SCN3A: variants seen among roughly 807,000 people sequenced by gnomAD.
The protein encoded by SCN3A is sodium voltage-gated channel alpha subunit 3, also known as sodium channel protein type 3 subunit alpha.
A neutral mutation model predicts 187.6 loss-of-function variants in SCN3A; 60 were observed. The ratio of observed to expected loss-of-function variants is 0.32; its 90% CI spans 0.26 to 0.40. The LOEUF is 0.40. SCN3A is among the 10% of genes least tolerant of loss of function. SCN3A has a pLI of 1.00. For missense variants in SCN3A, 1,601 were observed against 2,428.2 expected (o/e 0.66, Z 7.16); for synonymous variants, 788 against 829.2 (o/e 0.95, Z 0.85).
chr2:165,119,721 G>A (rs1686556842), intron 18 of SCN3A: 2 of 152,076 alleles, frequency 1.3e-5, no homozygotes, highest in South Asian at 4.1e-4. Flanking sequence ...TTAAAAGCAA[G>A]TGACCAATAA....
At chr2:165,120,215 G>A (rs1031230195) in intron 18 of SCN3A, among the ~76,000 whole-genome samples, 6 of 151,968 alleles carry the variant, frequency 3.9e-5, no homozygotes, top group Admixed American at 3.9e-4. Context: ...TGTCCTCAAA[G>A]ACATGGTACC....
At chr2:165,094,702 T>G (rs1433057802) in intron 25 of SCN3A, among the ~76,000 whole-genome samples, 1 of 152,174 alleles carries the variant, frequency 6.6e-6, no homozygotes, top group Non-Finnish European at 1.5e-5. Flanking sequence ...CTAATTTGAT[T>G]ATACTATGTT....
At chr2:165,166,661 A>T (rs1441731699) in intron 5 of SCN3A, among the ~76,000 whole-genome samples, 1 of 152,138 alleles carries the variant, frequency 6.6e-6, no homozygotes, top group Non-Finnish European at 1.5e-5. Context: ...TCTCAGAACT[A>T]AGTTATCTTC....
At chr2:165,193,638 A>G (rs759611887) in intron 1 of SCN3A, among the ~76,000 whole-genome samples, 12 of 152,052 alleles carry the variant, frequency 7.9e-5, no homozygotes, top group Non-Finnish European at 1.6e-4. Flanking sequence ...TGTAATCAAA[A>G]TGACAGCCCA....
chr2:165,108,759 G>C (rs1041395532), intron 21 of SCN3A, among the ~76,000 whole-genome samples: 1 of 152,108 alleles, frequency 6.6e-6, no homozygotes, highest in African/African-American at 2.4e-5. Context: ...TGTAGTTATA[G>C]GATGGTATAG....
At chr2:165,177,199 A>G (rs751378492) in intron 2 of SCN3A, among the ~76,000 whole-genome samples, 1 of 152,172 alleles carries the variant, frequency 6.6e-6, no homozygotes, top group Non-Finnish European at 1.5e-5. Context: ...CTGCCCTTCA[A>G]TTATTCCAAG....
intron 1 of SCN3A, among the ~76,000 whole-genome samples, chr2:165,188,151 G>A (rs1463972725): frequency 6.6e-6 from 1 of 152,044 alleles, no homozygotes; most frequent in East Asian, 1.9e-4. Flanking sequence ...GCAGAAGGGT[G>A]GAGTTTGAAA....
chr2:165,142,186 G>A (rs1574203907), intron 12 of SCN3A, among the ~76,000 whole-genome samples: 1 of 152,044 alleles, frequency 6.6e-6, no homozygotes, highest in Non-Finnish European at 1.5e-5. Context: ...ATATACATAT[G>A]TCAGCAGCAA....
intron 5 of SCN3A, 118 bp downstream of exon 5, chr2:165,168,618 T>C: frequency 1.3e-6 from 1 of 782,074 alleles, no homozygotes; most frequent in Non-Finnish European, 2.3e-6. Context: ...TCTTTCATAT[T>C]ATGAAAATAA....
intron 21 of SCN3A, among the ~76,000 whole-genome samples, chr2:165,105,514 C>T (rs1161837564): frequency 1.3e-5 from 2 of 152,036 alleles, no homozygotes; most frequent in Non-Finnish European, 1.5e-5. Context: ...GAAAAGGGCT[C>T]AGGTAGTGGT....
At chr2:165,182,512 A>T (rs1445242779) in intron 2 of SCN3A, among the ~76,000 whole-genome samples, 1 of 152,218 alleles carries the variant, frequency 6.6e-6, no homozygotes, top group Non-Finnish European at 1.5e-5. Context: ...AGTTAGGGAG[A>T]AAAACCACAG....
In SCN3A at chr2:165,139,583, C is replaced by T. The variant is rs1452362819; in HGVS notation, c.2045G>A (p.Arg682Lys). 3.1e-6 allele frequency: 5 copies of T among 1,613,902 alleles called. No individual in the cohort carries two copies. The highest frequency in any genetic ancestry group is 4.2e-6 in the Non-Finnish European group (5 of 1,179,896). The change falls in exon 14 of 28, where the codon AGA (arginine) becomes AAA (lysine). Residue 682 changes from arginine to lysine, a missense_variant. Physicochemically the swap from Arg to Lys is conservative, Grantham distance 26. This residue lies in a region of SCN3A where 376 missense variants were observed against 476.0 expected (regional missense o/e 0.79). Coordinates refer to ENST00000283254, the MANE Select transcript of SCN3A (RefSeq NM_006922.4). Reference protein sequence around the residue: ...PEGTTTETEVRKRRLSSYQIS... With the variant: ...PEGTTTETEVKKRRLSSYQIS... ...CTGGTAAGAGCTTAACCTTCTCTTTCTGACTTCCGTTTCTGTGGTGGTGCC... is the reference window on the plus strand; with the variant it reads ...CTGGTAAGAGCTTAACCTTCTCTTTTTGACTTCCGTTTCTGTGGTGGTGCC...
chr2:165,147,282 TTG>T (rs879634413), intron 11 of SCN3A, among the ~76,000 whole-genome samples: 2 of 88,536 alleles, frequency 2.3e-5, no homozygotes, highest in African/African-American at 7.1e-5. Flanking sequence ...TGTCTTTTTT[TTG>T]GGGGGGGGGG....
At chr2:165,166,587 T>C (rs1397582060) in intron 5 of SCN3A, among the ~76,000 whole-genome samples, 1 of 152,232 alleles carries the variant, frequency 6.6e-6, no homozygotes, top group Non-Finnish European at 1.5e-5. Flanking sequence ...CTATATAATA[T>C]GGTTTTGTGT....
intron 15 of SCN3A, among the ~76,000 whole-genome samples, chr2:165,134,604 A>G (rs902881636): frequency 6.6e-6 from 1 of 152,184 alleles, no homozygotes; most frequent in Admixed American, 6.5e-5. Context: ...AGCCTAGTAC[A>G]TGAAAATCCA....
intron 12 of SCN3A, among the ~76,000 whole-genome samples, chr2:165,145,315 G>GAA (rs56084089): frequency 1.3e-5 from 2 of 150,864 alleles, no homozygotes; most frequent in Admixed American, 6.6e-5. Context: ...GACTGTTTAA[G>GAA]AAAAAAAAAT....
At chr2:165,161,129 C>CTT (rs1689346128) in intron 9 of SCN3A, among the ~76,000 whole-genome samples, 1 of 94,012 alleles carries the variant, frequency 1.1e-5, no homozygotes, top group Non-Finnish European at 2.3e-5. Context: ...TCTTTTTTTT[C>CTT]TTTCTTTCTT....
chr2:165,089,734 A>G lies in SCN3A; in HGVS notation c.*416T>C, dbSNP rs1684986546. The G allele has an allele frequency of 5.8e-6, 1 of 172,522 alleles. No individual in the cohort carries two copies. The highest frequency in any genetic ancestry group is 1.4e-4 in the South Asian group (1 of 6,946). 10.7% of individuals were successfully genotyped at this position (172,522 alleles called of 1,614,324 possible). On this transcript the variant is annotated 3_prime_UTR_variant, in exon 28 of 28. Coordinates refer to ENST00000283254, the MANE Select transcript of SCN3A (RefSeq NM_006922.4). ...TCATTTACAAAAATAGTGACATAGC[A>G]TTATGAATAAACTATGAATTGGGGA... is the stretch of plus-strand genomic sequence containing the variant.
intron 24 of SCN3A, among the ~76,000 whole-genome samples, chr2:165,095,860 G>A (rs1402165715): frequency 2.0e-5 from 3 of 151,920 alleles, no homozygotes; most frequent in African/African-American, 7.3e-5. Context: ...TTTTCCCATT[G>A]TGCCTTACAT....
Sources: gnomAD v4.1 joint callset for allele counts (sites outside exome capture counted in the v4.1 genomes callset) on GRCh38, gnomAD v4.1.1 for gene constraint, gnomAD v4.1.1 regional missense constraint, MANE v1.5 for transcripts, NCBI Gene and HGNC (gene_info 2026-07-23, HGNC 2026-07-21) for gene names.